CSMD1: variants seen among roughly 807,000 people sequenced by gnomAD.
CSMD1 encodes the protein CUB and Sushi multiple domains 1.
A neutral mutation model predicts 417.5 loss-of-function variants in CSMD1; 213 were observed. The observed-to-expected ratio is 0.51, with a 90% CI of 0.46 to 0.57. The LOEUF is 0.57. Ranked by LOEUF, CSMD1 falls within the 20% of genes least tolerant of loss-of-function variation. The pLI is 0.00. For missense variants in CSMD1, 6,923 were observed against 4,529.7 expected, an observed-to-expected ratio of 1.53 and a Z score of -15.17; for synonymous variants, 2,862 against 1,736.8, an observed-to-expected ratio of 1.65 and a Z score of -16.11.
intron 1 of CSMD1, among the ~76,000 whole-genome samples, chr8:4,897,378 C>A (rs1008909704): frequency 3.9e-5 from 6 of 152,014 alleles, no homozygotes; most frequent in African/African-American, 1.2e-4. Flanking sequence ...GGTACCAATT[C>A]AATCCATTCA....
At chr8:4,516,165 T>C (rs1232282352) in intron 2 of CSMD1, among the ~76,000 whole-genome samples, 4 of 152,036 alleles carry the variant, frequency 2.6e-5, no homozygotes, top group Non-Finnish European at 5.9e-5. Context: ...TAATCCAATA[T>C]GACTGGTGCC....
intron 4 of CSMD1, 68 bp from the exon 5 acceptor site, chr8:3,998,178 C>G (rs1815371234): frequency 1.5e-6 from 2 of 1,352,596 alleles, no homozygotes; most frequent in Admixed American, 4.2e-5. Context: ...GTGTGTCCAC[C>G]AAGTGTCACT....
rs1332065221 is a variant in CSMD1 at position 4,266,331 on chromosome 8, T to C, written c.415+153622A>G. Among the ~76,000 whole-genome samples the C allele has an allele frequency of 2.8e-5, 3 of 105,456 alleles. 1 individual carries two copies. The East Asian group carries it at 7.6e-4, about 27-fold the overall frequency. 69.2% of individuals were successfully genotyped at this position (105,456 alleles called of 152,430 possible). On this transcript the variant is annotated intron_variant, in intron 3 of 69. Coordinates refer to ENST00000635120, the MANE Select transcript of CSMD1 (RefSeq NM_033225.6). ...CTGTCCAGGTCTTAGAAACAGTTGA[T>C]TTTGGAGAAAAACAAACACAACTTT...
At chr8:3,843,252 C>T (rs1459481596) in intron 5 of CSMD1, among the ~76,000 whole-genome samples, 2 of 152,146 alleles carry the variant, frequency 1.3e-5, no homozygotes, top group Admixed American at 6.5e-5. Context: ...TGCTGATAAA[C>T]TACTCCACTA....
chr8:3,564,365 T>C lies in CSMD1; in HGVS notation c.1344+10580A>G, dbSNP rs531244143. Among the ~76,000 whole-genome samples the C allele has an allele frequency of 8.5e-5, 13 of 152,334 alleles. No homozygotes were observed. In the East Asian group the frequency reaches 1.9e-3, roughly 23 times the overall value. On this transcript the variant is annotated intron_variant, in intron 10 of 69. Transcript: ENST00000635120. ...GTCCTCAGTGTCCATAAATAACTCCTACACAAACCTAGACATTCATTCACT... is the reference window on the plus strand; with the variant it reads ...GTCCTCAGTGTCCATAAATAACTCCCACACAAACCTAGACATTCATTCACT...
rs139231778 is a variant in CSMD1, at chr8:3,431,304, C to T, written c.1562-21699G>A. On this transcript the variant is annotated intron_variant, in intron 12 of 69. Transcript: ENST00000635120. ...CTGGGCCATCACTAATCTTGTCTAA[C>T]CCTGCATACTCTCCTCTGCTCTACA... Among the ~76,000 whole-genome samples the T allele has an allele frequency of 8.2e-3, 1,247 of 152,210 alleles. 17 individuals are homozygous for T. Among genetic ancestry groups the T allele is most frequent in the African/African-American group, 0.028 (1,178 of 41,514 alleles).
chr8:3,860,687 A>G (rs946134295), intron 5 of CSMD1, among the ~76,000 whole-genome samples: 1 of 152,222 alleles, frequency 6.6e-6, no homozygotes, highest in Non-Finnish European at 1.5e-5. Context: ...TTAAGACCAC[A>G]GAACTTTGTA....
chr8:4,965,450 TG>T (rs1259521178), intron 1 of CSMD1, among the ~76,000 whole-genome samples: 1 of 152,204 alleles, frequency 6.6e-6, no homozygotes, highest in Non-Finnish European at 1.5e-5. Context: ...GTTGTCTCAG[TG>T]ATAATGCAGG....
chr8:4,561,563 C>T (rs1563288025), intron 2 of CSMD1, among the ~76,000 whole-genome samples: 1 of 152,124 alleles, frequency 6.6e-6, no homozygotes, highest in East Asian at 1.9e-4. Flanking sequence ...GCACCAGTAG[C>T]CCCAGCTACT....
chr8:4,225,424 T>C (rs1308408790), intron 3 of CSMD1, among the ~76,000 whole-genome samples: 5 of 152,098 alleles, frequency 3.3e-5, no homozygotes, highest in Non-Finnish European at 5.9e-5. Context: ...AACATTTTCA[T>C]ACATTATTCT....
intron 2 of CSMD1, among the ~76,000 whole-genome samples, chr8:4,498,915 G>A (rs914118740): frequency 9.2e-5 from 14 of 152,054 alleles, no homozygotes; most frequent in African/African-American, 3.4e-4. Context: ...TTAGATCACA[G>A]GGCTCAACAT....
intron 3 of CSMD1, among the ~76,000 whole-genome samples, chr8:4,393,479 GCAGCAGCCAC>G (rs1381093625): frequency 1.3e-5 from 2 of 152,140 alleles, no homozygotes; most frequent in Non-Finnish European, 2.9e-5. Context: ...TGTTGAGATG[GCAGCAGCCAC>G]TATGTAGATT....
Position 3,295,275 on chromosome 8 carries a change from C to T in CSMD1, c.3951-10929G>A, listed in dbSNP as rs561695243. Among the ~76,000 whole-genome samples the T allele has an allele frequency of 1.2e-4, 18 of 152,106 alleles. 1 individual carries two copies. In the South Asian group the frequency reaches 3.7e-3, roughly 32 times the overall value. Reference sequence around the variant, plus strand: ...GAGTAGCTGGGACTACAGGTGCCCACCACCACACATGGCTAATTTTTTTGT... The same window carrying T: ...GAGTAGCTGGGACTACAGGTGCCCATCACCACACATGGCTAATTTTTTTGT... On this transcript the variant is annotated intron_variant, in intron 25 of 69. Transcript: ENST00000635120.
At chr8:4,538,510 G>A (rs1272057527) in intron 2 of CSMD1, among the ~76,000 whole-genome samples, 2 of 152,018 alleles carry the variant, frequency 1.3e-5, no homozygotes, top group Admixed American at 6.6e-5. Context: ...GTGTGTGGTG[G>A]CAGGTGCCTG....
At chr8:3,755,456 AT>A (rs1435775654) in intron 5 of CSMD1, among the ~76,000 whole-genome samples, 1 of 152,206 alleles carries the variant, frequency 6.6e-6, no homozygotes, top group Non-Finnish European at 1.5e-5. Context: ...AATGATGCTT[AT>A]TAGTGTAGAT....
intron 15 of CSMD1, among the ~76,000 whole-genome samples, chr8:3,403,471 A>T (rs1812160877): frequency 6.6e-6 from 1 of 152,174 alleles, no homozygotes; most frequent in Non-Finnish European, 1.5e-5. Context: ...GACTTTTAAC[A>T]TCTTTTCCTA....
At chr8:4,941,422 G>C (rs958629160) in intron 1 of CSMD1, among the ~76,000 whole-genome samples, 2 of 152,130 alleles carry the variant, frequency 1.3e-5, no homozygotes, top group Admixed American at 1.3e-4. Context: ...TGTACCAACA[G>C]TGTTTATATA....
intron 23 of CSMD1, among the ~76,000 whole-genome samples, chr8:3,320,844 A>T (rs937148310): frequency 6.6e-6 from 1 of 152,196 alleles, no homozygotes; most frequent in Admixed American, 6.5e-5. Context: ...CATCCTGCCT[A>T]TGGGGATACA....
chr8:3,479,296 T>G (rs1354416653), intron 11 of CSMD1, among the ~76,000 whole-genome samples: 1 of 152,160 alleles, frequency 6.6e-6, no homozygotes, highest in African/African-American at 2.4e-5. Flanking sequence ...TTATTTATTT[T>G]TTAGACTAAG....
Sources: allele counts gnomAD v4.1 joint callset (sites outside exome capture counted in the v4.1 genomes callset), GRCh38; gene constraint gnomAD v4.1.1; transcripts MANE v1.5; gene names NCBI Gene and HGNC (gene_info 2026-07-23, HGNC 2026-07-21).